ZNF609: variants seen among roughly 807,000 people sequenced by gnomAD.
ZNF609 encodes the protein zinc finger protein 609.
ZNF609 carries 11 observed loss-of-function variants against 109.5 expected under a neutral mutation model. That is an observed-to-expected ratio of 0.10 (90% confidence interval 0.06 to 0.17). The LOEUF is 0.17. Ranked by LOEUF, ZNF609 falls within the 10% of genes least tolerant of loss-of-function variation. The probability of loss-of-function intolerance (pLI) is 1.00; values close to 1 mark genes in which losing one functional copy is unlikely to be tolerated. For missense variants in ZNF609, 1,559 were observed against 1,772.4 expected, an observed-to-expected ratio of 0.88 and a Z score of 2.16; for synonymous variants, 646 against 662.0, an observed-to-expected ratio of 0.98 and a Z score of 0.37.
At chr15:64,473,889 C>T (rs1195783293) in intron 1 of ZNF609, among the ~76,000 whole-genome samples, 1 of 152,094 alleles carries the variant, frequency 6.6e-6, no homozygotes, top group African/African-American at 2.4e-5. Context: ...ATTCTCCTGC[C>T]TCAGCCTCCC....
At chr15:64,528,873 C>T in intron 2 of ZNF609, 1 of 949,062 alleles carries the variant, frequency 1.1e-6, no homozygotes, top group Non-Finnish European at 1.7e-6. Context: ...TTGAGGGGGC[C>T]CTCCGATGCC....
intron 4 of ZNF609, chr15:64,671,334 G>A (rs912934165): frequency 9.2e-5 from 14 of 151,942 alleles, no homozygotes; most frequent in African/African-American, 2.9e-4. Flanking sequence ...CCTGCACAAG[G>A]GTGACATGCA....
At chr15:64,480,779 A>G (rs1893241064) in intron 1 of ZNF609, among the ~76,000 whole-genome samples, 1 of 152,228 alleles carries the variant, frequency 6.6e-6, no homozygotes, top group South Asian at 2.1e-4. Context: ...GTCAGTCCTA[A>G]TCAGAATAAT....
chr15:64,623,119 T>A, intron 3 of ZNF609, 67 bp downstream of exon 3: 1 of 1,492,946 alleles, frequency 6.7e-7, no homozygotes, highest in East Asian at 2.3e-5. Context: ...ACCAGGGACT[T>A]ATTGTTGTAA....
intron 2 of ZNF609, among the ~76,000 whole-genome samples, chr15:64,568,763 C>G (rs934626927): frequency 1.2e-4 from 19 of 152,188 alleles, no homozygotes; most frequent in African/African-American, 4.6e-4. Flanking sequence ...GTGTAAAACA[C>G]TGAGCTAGGT....
Position 64,674,441 on chromosome 15 carries a change from G to C in ZNF609, c.1587G>C (p.Ala529=). The C allele has an allele frequency of 6.2e-7, 1 of 1,614,152 alleles. No individual in the cohort carries two copies. Among genetic ancestry groups the C allele is most frequent in the Non-Finnish European group, 8.5e-7 (1 of 1,180,038 alleles). Residue 529 remains alanine, a synonymous_variant, in exon 5 of 10, where the codon GCG becomes GCC. Transcript: ENST00000326648. ...CAGATGATGACAGCAAGCCGGAAGC[G>C]GATGGGGACAGTGAGTACGGAGAGG... is the stretch of plus-strand genomic sequence containing the variant. The part of the protein sequence containing the change: ...AHTDDDSKPE[A]DGDSEYGEEP...
intron 2 of ZNF609, among the ~76,000 whole-genome samples, chr15:64,559,540 CCTT>C (rs1894645108): frequency 6.6e-6 from 1 of 152,172 alleles, no homozygotes; most frequent in Admixed American, 6.6e-5. Context: ...TTATTTATCA[CCTT>C]CTGTGTACCA....
chr15:64,633,860 A>C (rs1421179953), intron 3 of ZNF609, among the ~76,000 whole-genome samples: 1 of 151,862 alleles, frequency 6.6e-6, no homozygotes, highest in Non-Finnish European at 1.5e-5. Flanking sequence ...CAGCCTGGGC[A>C]ACAGAGTGAG....
intron 3 of ZNF609, chr15:64,654,318 C>A (rs957785932): frequency 6.6e-6 from 1 of 152,062 alleles, no homozygotes; most frequent in Non-Finnish European, 1.5e-5. Context: ...ATTACAGGCA[C>A]GAGCCATCAT....
chr15:64,540,252 G>T (rs1032223875), intron 2 of ZNF609, among the ~76,000 whole-genome samples: 3 of 152,174 alleles, frequency 2.0e-5, no homozygotes, highest in African/African-American at 7.2e-5. Flanking sequence ...AGAGAGATGT[G>T]GGGAGGCTGG....
chr15:64,503,606 T>G (rs1053037359), intron 2 of ZNF609, among the ~76,000 whole-genome samples: 1 of 152,204 alleles, frequency 6.6e-6, no homozygotes, highest in Admixed American at 6.5e-5. Flanking sequence ...GTGAGACTCC[T>G]TCTTTTCCCC....
At chr15:64,540,225 T>C (rs796629850) in intron 2 of ZNF609, among the ~76,000 whole-genome samples, 13 of 152,318 alleles carry the variant, frequency 8.5e-5, no homozygotes, top group African/African-American at 3.1e-4. Flanking sequence ...GAGTTTGCTA[T>C]TTGAAGGCAA....
intron 1 of ZNF609, among the ~76,000 whole-genome samples, chr15:64,483,792 C>T (rs1417064716): frequency 6.6e-6 from 1 of 152,324 alleles, no homozygotes; most frequent in East Asian, 1.9e-4. Flanking sequence ...TTGCCTCAAC[C>T]TCCAGAATAG....
chr15:64,490,264 C>T (rs1893393277), intron 1 of ZNF609, among the ~76,000 whole-genome samples: 1 of 125,090 alleles, frequency 8.0e-6, no homozygotes, highest in East Asian at 2.3e-4. Flanking sequence ...TGCACCCGGC[C>T]AGTAGTTGTT....
chr15:64,637,464 G>A (rs1896192950), intron 3 of ZNF609, among the ~76,000 whole-genome samples: 1 of 152,162 alleles, frequency 6.6e-6, no homozygotes, highest in South Asian at 2.1e-4. Context: ...GACATCACAA[G>A]TTTCCCAAAA....
intron 2 of ZNF609, among the ~76,000 whole-genome samples, chr15:64,584,044 C>T (rs981451639): frequency 6.6e-6 from 1 of 152,140 alleles, no homozygotes; most frequent in Non-Finnish European, 1.5e-5. Flanking sequence ...TTCTCTCTTG[C>T]TCTTTGTCCT....
chr15:64,517,191 C>T (rs557163062), intron 2 of ZNF609, among the ~76,000 whole-genome samples: 2 of 152,256 alleles, frequency 1.3e-5, no homozygotes, highest in African/African-American at 4.8e-5. Flanking sequence ...GCCTGGTCAA[C>T]ATGGTGAAAC....
chr15:64,601,906 G>A (rs927056974), intron 2 of ZNF609, among the ~76,000 whole-genome samples: 1 of 152,188 alleles, frequency 6.6e-6, no homozygotes, highest in Non-Finnish European at 1.5e-5. Context: ...AAGCTTCAAA[G>A]TCAGACATAC....
intron 3 of ZNF609, among the ~76,000 whole-genome samples, chr15:64,624,217 T>C (rs1177914580): frequency 6.6e-6 from 1 of 152,194 alleles, no homozygotes; most frequent in Non-Finnish European, 1.5e-5. Context: ...TGAGGTTTTA[T>C]TGTGTGCCTG....
Sources: allele counts gnomAD v4.1 joint callset (sites outside exome capture counted in the v4.1 genomes callset), GRCh38; gene constraint gnomAD v4.1.1; transcripts MANE v1.5; gene names NCBI Gene and HGNC (gene_info 2026-07-23, HGNC 2026-07-21).